TSEN15: variants seen among roughly 807,000 people sequenced by gnomAD.
TSEN15 encodes the protein tRNA-splicing endonuclease subunit Sen15.
In TSEN15, 10 loss-of-function variants were observed where a neutral mutation model predicts 20.5. The observed-to-expected ratio is 0.49, with a 90% CI of 0.30 to 0.83. The LOEUF is 0.83. Among genes scored for constraint, TSEN15 ranks in the 40% least tolerant of loss-of-function variants. The pLI, the probability that TSEN15 is intolerant of heterozygous loss-of-function variation, is 0.06. For missense variants in TSEN15, 180 were observed against 218.6 expected, an observed-to-expected ratio of 0.82 and a Z score of 1.11; for synonymous variants, 72 against 80.1, an observed-to-expected ratio of 0.90 and a Z score of 0.54.
intron 3 of TSEN15, among the ~76,000 whole-genome samples, chr1:184,057,589 G>A (rs771845423): frequency 6.6e-5 from 10 of 152,010 alleles, no homozygotes; most frequent in Admixed American, 1.3e-4. Context: ...CAGTTTCCTC[G>A]TCTTATTTTG....
chr1:184,072,559 G>A, intron 4 of TSEN15: 1 of 559,500 alleles, frequency 1.8e-6, no homozygotes, highest in Non-Finnish European at 3.1e-6. Context: ...ATTTTATGAA[G>A]TCATCATGCA....
At chr1:184,072,654 A>C in intron 4 of TSEN15, 173 bp from the exon 5 acceptor site, 1 of 654,592 alleles carries the variant, frequency 1.5e-6, no homozygotes, top group Non-Finnish European at 2.6e-6. Flanking sequence ...AGAAATGTTA[A>C]ATTGGTTGAC....
chr1:184,075,520 CT>C (rs1266738218), downstream of TSEN15, among the ~76,000 whole-genome samples: 1 of 152,074 alleles, frequency 6.6e-6, no homozygotes, highest in African/African-American at 2.4e-5. Flanking sequence ...TCAGTAAATA[CT>C]TGGCAAATGA....
chr1:184,053,560 C>T (rs1412214709), intron 1 of TSEN15, among the ~76,000 whole-genome samples: 2 of 152,188 alleles, frequency 1.3e-5, no homozygotes, highest in Non-Finnish European at 2.9e-5. Context: ...TGACTTTAGA[C>T]CTGTCCCCAT....
chr1:184,067,006 T>G (rs1650689235), intron 3 of TSEN15, among the ~76,000 whole-genome samples: 1 of 152,210 alleles, frequency 6.6e-6, no homozygotes, highest in Admixed American at 6.5e-5. Flanking sequence ...TATACCTAAA[T>G]ATTTATCTTT....
At chr1:184,090,083 A>G (rs1651332106) in intron 3 of TSEN15, among the ~76,000 whole-genome samples, 1 of 152,216 alleles carries the variant, frequency 6.6e-6, no homozygotes, top group African/African-American at 2.4e-5. Context: ...ATATTCATCA[A>G]TGGGTAAATG....
chr1:184,091,685 G>A lies in TSEN15; in HGVS notation c.354-4005G>A, dbSNP rs529062533. ...TGTCTCTTTCCATTTCTGTTGGCTG[G>A]AAGCAGAAAACAAAGAGCCCCTAGG... On this transcript the variant is annotated intron_variant, in intron 3 of 3. Coordinates refer to the TSEN15 transcript ENST00000643231. Among the ~76,000 whole-genome samples, 4 of 152,162 alleles carry A rather than the reference G, an allele frequency of 2.6e-5. No homozygotes were observed. The South Asian group carries it at 6.2e-4, about 24-fold the overall frequency.
At chr1:184,055,935 T>C (rs1307860094) in intron 3 of TSEN15, among the ~76,000 whole-genome samples, 8 of 151,946 alleles carry the variant, frequency 5.3e-5, no homozygotes. Flanking sequence ...CTGAATTCCA[T>C]GTACATTGGG....
At chr1:184,092,506 T>C (rs557365486) in intron 3 of TSEN15, among the ~76,000 whole-genome samples, 1 of 152,350 alleles carries the variant, frequency 6.6e-6, no homozygotes, top group Admixed American at 6.5e-5. Context: ...CACAGCATTC[T>C]AGGGTAGCCC....
At position 184,072,229 on chromosome 1, in the gene TSEN15, C is replaced by T; in HGVS notation, c.426C>T (p.Ala142=). 2 of 1,613,422 alleles carry T rather than the reference C, an allele frequency of 1.2e-6. No homozygotes were observed. The highest frequency in any genetic ancestry group is 1.7e-6 in the Non-Finnish European group (2 of 1,179,598). The change falls in exon 4 of 5, where the codon GCC becomes GCT. Residue 142 remains alanine, a synonymous_variant. Coordinates refer to ENST00000645668, the MANE Select transcript of TSEN15 (RefSeq NM_052965.4). The part of the protein sequence containing the change: ...DPDLPMSFTL[A]IVESDSTIVY... The stretch of plus-strand genomic sequence containing the variant: ...ATTTGCCGATGTCTTTTACTTTGGC[C>T]ATAGTGGAGTCTGATTCTACAATAG...
At position 184,052,261 on chromosome 1, in the gene TSEN15, A is replaced by G. The variant is rs536129968; in HGVS notation, c.135+371A>G. Among the ~76,000 whole-genome samples, 12 of 152,324 alleles carry G rather than the reference A, an allele frequency of 7.9e-5. No individual in the cohort carries two copies. The South Asian group carries it at 2.5e-3, about 32-fold the overall frequency. On this transcript the variant is annotated intron_variant, in intron 1 of 4. Transcript: ENST00000645668. ...GCAAGACAATTTGTGGGCGATGGAT[A>G]AGATCTAGGGGTCCATAGTGATAAA...
At chr1:184,064,501 A>G (rs1006201450) in intron 3 of TSEN15, among the ~76,000 whole-genome samples, 26 of 152,038 alleles carry the variant, frequency 1.7e-4, no homozygotes, top group African/African-American at 6.0e-4. Context: ...GAATGATGGG[A>G]AAAGGAGGGG....
chr1:184,083,660 T>C (rs1422944481), intron 3 of TSEN15, among the ~76,000 whole-genome samples: 3 of 152,182 alleles, frequency 2.0e-5, no homozygotes, highest in East Asian at 1.9e-4. Context: ...CCAAGTGAGA[T>C]CATTAGAAAA....
chr1:184,063,269 G>A (rs1926921), intron 3 of TSEN15, among the ~76,000 whole-genome samples: 105,060 of 152,026 alleles, frequency 0.69, 36,847 homozygotes, highest in African/African-American at 0.81. Context: ...ATATTACTTG[G>A]GAAGTTTAGA....
rs1286006774 is a variant in TSEN15 at position 184,059,535 on chromosome 1, G to T, written c.353+4672G>T. ...AGTACCTCCTTGTACTCATGTATGAGAGTTTTCCTAAGAATAGCTGGGACA... is the reference window on the plus strand; with the variant it reads ...AGTACCTCCTTGTACTCATGTATGATAGTTTTCCTAAGAATAGCTGGGACA... On this transcript the variant is annotated intron_variant, in intron 3 of 4. Coordinates refer to ENST00000645668, the MANE Select transcript of TSEN15 (RefSeq NM_052965.4). 2.6e-5 allele frequency among the ~76,000 whole-genome samples: 4 copies of T among 152,084 alleles called. No individual in the cohort carries two copies. The East Asian group carries it at 7.7e-4, about 29-fold the overall frequency.
At chr1:184,074,465 G>T (rs141004624), downstream of TSEN15, among the ~76,000 whole-genome samples, 611 of 152,246 alleles carry the variant, frequency 4.0e-3, 6 homozygotes, top group African/African-American at 0.014. Context: ...TCTTGAGAGT[G>T]CTCAATGCTT....
chr1:184,053,470 A>G (rs978740987), intron 1 of TSEN15, among the ~76,000 whole-genome samples: 5 of 152,210 alleles, frequency 3.3e-5, no homozygotes, highest in Non-Finnish European at 7.3e-5. Context: ...TGTTATTTTC[A>G]AAACATGTTT....
At chr1:184,092,471 A>G (rs1336138332) in intron 3 of TSEN15, among the ~76,000 whole-genome samples, 1 of 152,238 alleles carries the variant, frequency 6.6e-6, no homozygotes. Flanking sequence ...ATTGAAACAT[A>G]CATTGCTATA....
At chr1:184,092,154 C>G (rs996826263) in intron 3 of TSEN15, among the ~76,000 whole-genome samples, 1 of 152,158 alleles carries the variant, frequency 6.6e-6, no homozygotes, top group African/African-American at 2.4e-5. Flanking sequence ...CAAGGTATAA[C>G]CAGACAGATG....
Sources: gnomAD v4.1 joint callset for allele counts (sites outside exome capture counted in the v4.1 genomes callset) on GRCh38, gnomAD v4.1.1 for gene constraint, MANE v1.5 for transcripts, NCBI Gene and HGNC (gene_info 2026-07-23, HGNC 2026-07-21) for gene names.